The following ESRRG variants were observed in gnomAD, a reference collection of about 807,000 sequenced individuals.
The protein encoded by ESRRG is estrogen related receptor gamma, also known as estrogen-related receptor gamma.
Under a neutral mutation model 44.0 loss-of-function variants are expected in ESRRG, and 13 were observed. The ratio of observed to expected loss-of-function variants is 0.30; its 90% CI spans 0.19 to 0.47. The LOEUF (loss-of-function observed/expected upper bound fraction) is 0.47, where lower values mean the gene tolerates loss of function less well. Among genes scored for constraint, ESRRG ranks in the 20% least tolerant of loss-of-function variants. The pLI is 1.00. For synonymous variants in ESRRG, 215 were observed against 214.6 expected, an observed-to-expected ratio of 1.00 and a Z score of -0.02; for missense variants, 395 against 580.6, an observed-to-expected ratio of 0.68 and a Z score of 3.29.
intron 3 of ESRRG, among the ~76,000 whole-genome samples, chr1:216,623,526 C>A (rs1284663697): frequency 6.6e-6 from 1 of 152,104 alleles, no homozygotes; most frequent in East Asian, 1.9e-4. Flanking sequence ...AGAAAAGGTA[C>A]CAGTGACAAA....
intron 2 of ESRRG, among the ~76,000 whole-genome samples, chr1:216,838,269 GATA>G (rs995642402): frequency 1.3e-5 from 2 of 152,160 alleles, no homozygotes; most frequent in Non-Finnish European, 2.9e-5. Context: ...TTCTCACGTT[GATA>G]ATGATGAAAC....
chr1:216,723,414 G>T lies in ESRRG; in HGVS notation c.-115C>A, dbSNP rs934355176. 3.2e-6 allele frequency: 3 copies of T among 933,406 alleles called. No homozygotes were observed. Among genetic ancestry groups the T allele is most frequent in the African/African-American group, 1.6e-5 (1 of 61,198 alleles). 57.8% of individuals were successfully genotyped at this position (933,406 alleles called of 1,614,324 possible). ...AGTGACAAGCCTATAGGCACAGCCA[G>T]TTGGGACCAAAGCTCTCACACTCTC... On this transcript the variant is annotated 5_prime_UTR_variant, in exon 1 of 7. The change creates a new upstream start codon in the 5' untranslated region. Transcript: ENST00000408911.
intron 2 of ESRRG, among the ~76,000 whole-genome samples, chr1:216,795,878 C>A (rs930389231): frequency 6.6e-6 from 1 of 152,002 alleles, no homozygotes; most frequent in African/African-American, 2.4e-5. Context: ...AAGCAGAGTG[C>A]AGGGTAGTAA....
intron 3 of ESRRG, among the ~76,000 whole-genome samples, chr1:216,577,722 A>G (rs17669321): frequency 0.15 from 22,331 of 152,088 alleles, 2,170 homozygotes; most frequent in Non-Finnish European, 0.21. Context: ...ATAGTGGAAT[A>G]TAGTAGAGTC....
At chr1:216,915,602 AC>A in intron 2 of ESRRG, among the ~76,000 whole-genome samples, 1 of 151,932 alleles carries the variant, frequency 6.6e-6, no homozygotes, top group East Asian at 1.9e-4. Flanking sequence ...AAACAAACAA[AC>A]CCTGGAAATG....
chr1:216,914,272 A>T (rs1243064536), intron 2 of ESRRG, among the ~76,000 whole-genome samples: 1 of 152,156 alleles, frequency 6.6e-6, no homozygotes, highest in Non-Finnish European at 1.5e-5. Flanking sequence ...TGAAGAGGAA[A>T]ATTCTGGTTT....
chr1:216,811,651 T>C (rs1178442361), intron 2 of ESRRG, among the ~76,000 whole-genome samples: 1 of 152,124 alleles, frequency 6.6e-6, no homozygotes. Context: ...AAGTGAGTTC[T>C]TATACACTAC....
chr1:217,135,320 G>A (rs948288103), intron 1 of ESRRG, among the ~76,000 whole-genome samples: 1 of 152,082 alleles, frequency 6.6e-6, no homozygotes, highest in Non-Finnish European at 1.5e-5. Flanking sequence ...CCCACGTAAA[G>A]GCCAGTCTTG....
intron 5 of ESRRG, among the ~76,000 whole-genome samples, chr1:216,542,498 A>G (rs1316883289): frequency 1.3e-5 from 2 of 152,152 alleles, no homozygotes; most frequent in Non-Finnish European, 2.9e-5. Context: ...TTAGGTCTCA[A>G]TGTAACAGGG....
At chr1:217,003,884 A>T (rs1391040033) in intron 1 of ESRRG, among the ~76,000 whole-genome samples, 1 of 150,356 alleles carries the variant, frequency 6.7e-6, no homozygotes, top group African/African-American at 2.4e-5. Context: ...CAAAAAAATA[A>T]AAAAAAAAGA....
chr1:216,854,853 T>A (rs1436893), intron 2 of ESRRG, among the ~76,000 whole-genome samples: 25,661 of 152,148 alleles, frequency 0.17, 2,348 homozygotes, highest in Admixed American at 0.24. Context: ...AAAATTGAGC[T>A]GAGGTAAGCA....
chr1:216,822,051 C>T (rs1046932311), intron 2 of ESRRG, among the ~76,000 whole-genome samples: 4 of 152,088 alleles, frequency 2.6e-5, no homozygotes, highest in Non-Finnish European at 5.9e-5. Context: ...TATTTGGTAA[C>T]TCTGACATGA....
chr1:217,106,351 G>A (rs149737430), intron 1 of ESRRG, among the ~76,000 whole-genome samples: 10 of 151,070 alleles, frequency 6.6e-5, no homozygotes, highest in South Asian at 2.1e-4. Context: ...GAAGCCCCTC[G>A]TTTATACCAC....
At position 216,711,330 on chromosome 1, in the gene ESRRG, G is replaced by A. The variant is rs76725595; in HGVS notation, c.56+11914C>T. On this transcript the variant is annotated intron_variant, in intron 1 of 6. Transcript: ENST00000408911. ...CTCGGCTCCACTGCCAACTCGGGGA[G>A]TTCTGCAGCTGCCCACACCACAGCG... 5.3e-3 allele frequency among the ~76,000 whole-genome samples: 805 copies of A among 152,262 alleles called. 9 individuals carry two copies. Among genetic ancestry groups the A allele is most frequent in the African/African-American group, 0.019 (786 of 41,552 alleles).
intron 2 of ESRRG, among the ~76,000 whole-genome samples, chr1:216,793,523 C>G (rs1238413189): frequency 6.6e-6 from 1 of 152,080 alleles, no homozygotes; most frequent in African/African-American, 2.4e-5. Flanking sequence ...CATGAGGGAG[C>G]CTGGAAGTGG....
At chr1:216,619,209 G>A (rs1017442018) in intron 3 of ESRRG, among the ~76,000 whole-genome samples, 2 of 152,122 alleles carry the variant, frequency 1.3e-5, no homozygotes, top group African/African-American at 4.8e-5. Flanking sequence ...CCATGCTTAA[G>A]CACATGTGTG....
At chr1:216,957,011 C>T (rs2068075389) in intron 1 of ESRRG, among the ~76,000 whole-genome samples, 1 of 152,164 alleles carries the variant, frequency 6.6e-6, no homozygotes, top group African/African-American at 2.4e-5. Flanking sequence ...CATCATATCA[C>T]TGTGATATTA....
At chr1:216,625,808 T>C (rs1002827615) in intron 3 of ESRRG, among the ~76,000 whole-genome samples, 4 of 152,228 alleles carry the variant, frequency 2.6e-5, no homozygotes, top group Non-Finnish European at 5.9e-5. Context: ...CATGGCATTT[T>C]ACTCACTCAA....
At chr1:216,812,124 G>A (rs2094990076) in intron 2 of ESRRG, among the ~76,000 whole-genome samples, 1 of 152,112 alleles carries the variant, frequency 6.6e-6, no homozygotes, top group Admixed American at 6.6e-5. Flanking sequence ...AATTACCCTG[G>A]AAATCTCCAA....
Sources: gnomAD v4.1 joint callset for allele counts (sites outside exome capture counted in the v4.1 genomes callset) on GRCh38, gnomAD v4.1.1 for gene constraint, MANE v1.5 for transcripts, NCBI Gene and HGNC (gene_info 2026-07-23, HGNC 2026-07-21) for gene names.